The following CSMD1 variants were observed in gnomAD, a reference collection of about 807,000 sequenced individuals.
CSMD1 encodes the protein CUB and sushi domain-containing protein 1.
CSMD1 carries 213 observed loss-of-function variants against 417.5 expected under a neutral mutation model. That is an observed-to-expected ratio of 0.51 (90% CI 0.46 to 0.57). The LOEUF is 0.57. Ranked by LOEUF, CSMD1 falls within the 20% of genes least tolerant of loss-of-function variation. The pLI is 0.00. For synonymous variants in CSMD1, 2,862 were observed against 1,736.8 expected (o/e 1.65, Z -16.11); for missense variants, 6,923 against 4,529.7 (o/e 1.53, Z -15.17).
intron 1 of CSMD1, among the ~76,000 whole-genome samples, chr8:4,749,579 C>G (rs1042544789): frequency 3.3e-5 from 5 of 152,168 alleles, no homozygotes; most frequent in African/African-American, 9.7e-5. Context: ...AGGAAAATGT[C>G]AATGATCTTG....
intron 5 of CSMD1, among the ~76,000 whole-genome samples, chr8:3,773,196 A>T (rs1193785740): frequency 3.9e-5 from 6 of 152,204 alleles, no homozygotes; most frequent in African/African-American, 1.4e-4. Flanking sequence ...TGACATTTAG[A>T]CGATGGCATG....
At chr8:4,429,067 C>A in intron 2 of CSMD1, among the ~76,000 whole-genome samples, 1 of 151,808 alleles carries the variant, frequency 6.6e-6, no homozygotes, top group East Asian at 1.9e-4. Context: ...GTGTACAATA[C>A]AATGTCTCAG....
intron 52 of CSMD1, among the ~76,000 whole-genome samples, chr8:3,012,883 G>C (rs912711563): frequency 1.3e-5 from 2 of 152,212 alleles, no homozygotes; most frequent in Non-Finnish European, 2.9e-5. Context: ...GAGACAGGAA[G>C]AGATAATTGA....
intron 3 of CSMD1, among the ~76,000 whole-genome samples, chr8:4,101,441 C>A (rs954192225): frequency 2.0e-5 from 3 of 152,148 alleles, no homozygotes; most frequent in African/African-American, 7.2e-5. Flanking sequence ...CACAGTTACC[C>A]TTGTGCTCTG....
intron 26 of CSMD1, among the ~76,000 whole-genome samples, chr8:3,232,095 T>C (rs887911341): frequency 6.6e-6 from 1 of 152,178 alleles, no homozygotes; most frequent in Admixed American, 6.5e-5. Flanking sequence ...TACCAATACA[T>C]CAGTATGATC....
At chr8:4,293,538 A>T (rs960262898) in intron 3 of CSMD1, among the ~76,000 whole-genome samples, 2 of 152,192 alleles carry the variant, frequency 1.3e-5, no homozygotes, top group Non-Finnish European at 2.9e-5. Flanking sequence ...CATGAAATAG[A>T]CTTGTCACCC....
At chr8:4,664,054 CTG>C (rs1289418336) in intron 1 of CSMD1, among the ~76,000 whole-genome samples, 1 of 152,156 alleles carries the variant, frequency 6.6e-6, no homozygotes, top group Non-Finnish European at 1.5e-5. Context: ...GAAATCGCCT[CTG>C]TGAACTGTGT....
chr8:3,891,629 G>C (rs1196475666), intron 5 of CSMD1, among the ~76,000 whole-genome samples: 1 of 151,904 alleles, frequency 6.6e-6, no homozygotes, highest in African/African-American at 2.4e-5. Context: ...GCTTCAGTGA[G>C]CTGTGATCAC....
chr8:4,180,420 A>T (rs1187883431), intron 3 of CSMD1, among the ~76,000 whole-genome samples: 7 of 119,346 alleles, frequency 5.9e-5, no homozygotes, highest in Non-Finnish European at 9.8e-5. Context: ...CACTCTGGGG[A>T]CTGCTGTGGG....
At chr8:3,338,968 G>A (rs543369153) in intron 23 of CSMD1, among the ~76,000 whole-genome samples, 13 of 147,454 alleles carry the variant, frequency 8.8e-5, no homozygotes, top group Non-Finnish European at 1.6e-4. Context: ...TATATCTCCC[G>A]ATGCTCTCCC....
chr8:2,981,412 C>A (rs1050122725), intron 54 of CSMD1, among the ~76,000 whole-genome samples: 1 of 151,184 alleles, frequency 6.6e-6, no homozygotes, highest in Non-Finnish European at 1.5e-5. Context: ...TATGTCAGGC[C>A]CACCTGCAGC....
At chr8:4,038,596 A>G (rs747767624) in intron 3 of CSMD1, among the ~76,000 whole-genome samples, 71 of 152,364 alleles carry the variant, frequency 4.7e-4, no homozygotes, top group Admixed American at 9.8e-4. Context: ...AGTAATGAAT[A>G]CACATGAAGA....
intron 9 of CSMD1, among the ~76,000 whole-genome samples, chr8:3,575,831 G>A (rs1463962344): frequency 8.5e-6 from 1 of 117,570 alleles, no homozygotes; most frequent in Non-Finnish European, 1.8e-5. Context: ...TTGGCCTCCA[G>A]TTTATGAAAG....
chr8:4,140,547 A>T lies in CSMD1; in HGVS notation c.416-108448T>A, dbSNP rs1803723771. On this transcript the variant is annotated intron_variant, in intron 3 of 69. Coordinates refer to ENST00000635120, the MANE Select transcript of CSMD1 (RefSeq NM_033225.6). ...GCTGAGTGTGGTGGTGTGCACCTGT[A>T]GTCTCAGCTACTAGGGAGGCTAAGG... Among the ~76,000 whole-genome samples the T allele has an allele frequency of 1.3e-5, 2 of 151,016 alleles. 1 individual carries two copies. The highest frequency in any genetic ancestry group is 5.0e-5 in the African/African-American group (2 of 40,344).
intron 25 of CSMD1, among the ~76,000 whole-genome samples, chr8:3,306,983 T>TATAAA (rs1563252693): frequency 6.6e-6 from 1 of 152,164 alleles, no homozygotes; most frequent in African/African-American, 2.4e-5. Flanking sequence ...TTCTTTTATA[T>TATAAA]GTGTTACTTT....
At chr8:3,816,962 C>G (rs1380480456) in intron 5 of CSMD1, among the ~76,000 whole-genome samples, 1 of 152,028 alleles carries the variant, frequency 6.6e-6, no homozygotes, top group Non-Finnish European at 1.5e-5. Flanking sequence ...GAAAGATAAA[C>G]CAACAAATAA....
At chr8:4,841,458 AACGAATAAACTAGC>A (rs1199357905) in intron 1 of CSMD1, among the ~76,000 whole-genome samples, 1 of 152,242 alleles carries the variant, frequency 6.6e-6, no homozygotes, top group Non-Finnish European at 1.5e-5. Flanking sequence ...TTCAGTGTTA[AACGAATAAACTAGC>A]AAAGGAAATA....
chr8:4,882,584 C>A (rs142524651), intron 1 of CSMD1, among the ~76,000 whole-genome samples: 3 of 151,960 alleles, frequency 2.0e-5, no homozygotes, highest in Non-Finnish European at 2.9e-5. Flanking sequence ...GAACATTCAA[C>A]CCCAAGCATA....
At chr8:3,980,375 A>T (rs1813758248) in intron 5 of CSMD1, among the ~76,000 whole-genome samples, 1 of 141,332 alleles carries the variant, frequency 7.1e-6, no homozygotes, top group Non-Finnish European at 1.6e-5. Flanking sequence ...GCGGTATTTT[A>T]AGTGTTGACC....
Sources: allele counts gnomAD v4.1 joint callset (sites outside exome capture counted in the v4.1 genomes callset), GRCh38; gene constraint gnomAD v4.1.1; transcripts MANE v1.5; gene names NCBI Gene and HGNC (gene_info 2026-07-23, HGNC 2026-07-21).